Variants in TECPR2 observed in about 807,000 individuals in gnomAD.
The protein encoded by TECPR2 is tectonin beta-propeller repeat containing 2.
In TECPR2, 65 loss-of-function variants were observed where a neutral mutation model predicts 138.1. The ratio of observed to expected loss-of-function variants is 0.47; its 90% confidence interval spans 0.39 to 0.58. The LOEUF is 0.58. TECPR2 is among the 20% of genes least tolerant of loss of function. The pLI is 0.00. For synonymous variants in TECPR2, 746 were observed against 749.8 expected (o/e 0.99, Z 0.08); for missense variants, 1,553 against 1,824.5 (o/e 0.85, Z 2.71).
At chr14:102,386,235 G>A (rs891990640) in intron 2 of TECPR2, among the ~76,000 whole-genome samples, 2 of 152,010 alleles carry the variant, frequency 1.3e-5, no homozygotes, top group Admixed American at 6.6e-5. Context: ...TTGGTAGGCC[G>A]AGGCAGGCAG....
In TECPR2 at chr14:102,489,026, G is replaced by A. The variant is rs138612110; in HGVS notation, c.3790-7953G>A. Among the ~76,000 whole-genome samples, 752 of 151,938 alleles carry A rather than the reference G, an allele frequency of 4.9e-3. 4 individuals are homozygous for A. Among genetic ancestry groups the A allele is most frequent in the African/African-American group, 0.017 (691 of 41,462 alleles). On this transcript the variant is annotated intron_variant, in intron 17 of 19. Transcript: ENST00000359520. ...GCCTCCCGAGACACTAGGACTACAG[G>A]CATGCGCCACCATGCCTGGCTAATT...
chr14:102,453,084 TC>T (rs1387741362), intron 16 of TECPR2, among the ~76,000 whole-genome samples: 2 of 152,236 alleles, frequency 1.3e-5, no homozygotes, highest in Non-Finnish European at 2.9e-5. Context: ...GTGCTAGCTC[TC>T]CTTCAGCTCA....
At chr14:102,395,754 C>T (rs1888298517) in intron 2 of TECPR2, among the ~76,000 whole-genome samples, 1 of 152,316 alleles carries the variant, frequency 6.6e-6, no homozygotes, top group African/African-American at 2.4e-5. Flanking sequence ...GCCGAGATCA[C>T]ACCGTGGCAC....
At chr14:102,452,679 G>T in intron 16 of TECPR2, 52 bp downstream of exon 16, 1 of 1,425,902 alleles carries the variant, frequency 7.0e-7, no homozygotes, top group Non-Finnish European at 9.6e-7. Context: ...CCCTAAACCG[G>T]CATCACAACG....
Position 102,435,077 on chromosome 14 carries a change from G to A in TECPR2, c.2260G>A (p.Glu754Lys), listed in dbSNP as rs1230843715. Reference protein sequence around the residue: ...PRDQTLTSSDEEDIYAHGLPS... With the variant: ...PRDQTLTSSDKEDIYAHGLPS... ...GGATCAGACATTGACGTCCAGCGAT[G>A]AGGAGGACATCTATGCCCACGGGCT... Residue 754 changes from glutamate (E) to lysine (K), a missense_variant, in exon 9 of 20, where the codon GAG becomes AAG. By Grantham distance (56) the Glu-to-Lys change is moderately conservative. Transcript: ENST00000359520. 5.6e-6 allele frequency: 9 copies of A among 1,613,994 alleles called. No homozygotes were observed. Among genetic ancestry groups the A allele is most frequent in the Non-Finnish European group, 7.6e-6 (9 of 1,180,038 alleles).
chr14:102,426,203 T>C (rs1400095859), intron 6 of TECPR2, among the ~76,000 whole-genome samples: 3 of 152,082 alleles, frequency 2.0e-5, no homozygotes, highest in African/African-American at 7.2e-5. Context: ...GGTTTTTTTT[T>C]TGTTTTTTGT....
Position 102,419,921 on chromosome 14 carries a change from G to T in TECPR2, c.639-5058G>T, listed in dbSNP as rs534336438. ...ATCTGTAGGTGTGGCGCCCGCATGT[G>T]GGTAAGAGCCAGCAGCCGGTTCTGG... is the stretch of plus-strand genomic sequence containing the variant. On this transcript the variant is annotated intron_variant, in intron 5 of 19. Coordinates refer to ENST00000359520, the MANE Select transcript of TECPR2 (RefSeq NM_014844.5). The surrounding 1 kb of genome is among the most constrained non-coding windows in gnomAD (Gnocchi z 4.8). 1.3e-5 allele frequency among the ~76,000 whole-genome samples: 2 copies of T among 152,298 alleles called. No individual in the cohort carries two copies. Among genetic ancestry groups the T allele is most frequent in the East Asian group, 3.9e-4 (2 of 5,176 alleles).
At chr14:102,474,840 C>G (rs954562797) in intron 17 of TECPR2, among the ~76,000 whole-genome samples, 3 of 152,092 alleles carry the variant, frequency 2.0e-5, no homozygotes, top group Non-Finnish European at 4.4e-5. Context: ...GGTTGTCCCC[C>G]CTTCCCCCTG....
chr14:102,451,570 G>A (rs1890140751), intron 15 of TECPR2, among the ~76,000 whole-genome samples: 2 of 152,068 alleles, frequency 1.3e-5, no homozygotes, highest in South Asian at 2.1e-4. Flanking sequence ...GGCTGTGACC[G>A]CATCCATGTT....
chr14:102,481,770 G>A (rs1190257678), intron 17 of TECPR2, among the ~76,000 whole-genome samples: 1 of 152,186 alleles, frequency 6.6e-6, no homozygotes, highest in African/African-American at 2.4e-5. Flanking sequence ...TTCGGGAGCT[G>A]TGTTTGGTCC....
intron 6 of TECPR2, among the ~76,000 whole-genome samples, chr14:102,428,014 G>A (rs1567336257): frequency 6.6e-6 from 1 of 152,192 alleles, no homozygotes; most frequent in East Asian, 1.9e-4. Flanking sequence ...AGGGTGGTAC[G>A]TGGGTCGGAG....
intron 2 of TECPR2, among the ~76,000 whole-genome samples, chr14:102,387,074 G>GA (rs1888028125): frequency 6.6e-6 from 1 of 152,160 alleles, no homozygotes. Flanking sequence ...CTAGTTTAGG[G>GA]AAAATCTAAG....
At chr14:102,408,706 G>A (rs1888732479) in intron 4 of TECPR2, 87 bp downstream of exon 4, 1 of 1,353,358 alleles carries the variant, frequency 7.4e-7, no homozygotes, top group Non-Finnish European at 1.0e-6. Context: ...TAGTCAACTT[G>A]TATTCTTGAT....
chr14:102,465,845 G>C (rs117538172), intron 17 of TECPR2, among the ~76,000 whole-genome samples: 4,151 of 152,240 alleles, frequency 0.027, 77 homozygotes, highest in Middle Eastern at 0.088. Flanking sequence ...AGTCTGATTT[G>C]AATGTACTAT....
At chr14:102,461,960 C>T (rs998119486) in intron 16 of TECPR2, among the ~76,000 whole-genome samples, 11 of 152,216 alleles carry the variant, frequency 7.2e-5, no homozygotes, top group Non-Finnish European at 1.2e-4. Flanking sequence ...TAAAAGTCTG[C>T]AGGAAAGCCC....
intron 2 of TECPR2, among the ~76,000 whole-genome samples, chr14:102,388,135 C>A (rs916997178): frequency 2.4e-4 from 36 of 152,278 alleles, no homozygotes; most frequent in Admixed American, 2.3e-3. Flanking sequence ...CATTGTCTTT[C>A]CCTGTGGGAG....
At chr14:102,485,158 G>A (rs1429448211) in intron 17 of TECPR2, among the ~76,000 whole-genome samples, 1 of 152,244 alleles carries the variant, frequency 6.6e-6, no homozygotes, top group Non-Finnish European at 1.5e-5. Context: ...TGGTATCACA[G>A]TCTTCAGAGT....
At chr14:102,452,266 GGTGA>G in intron 15 of TECPR2, 124 bp from the exon 16 acceptor site, 2 of 847,024 alleles carry the variant, frequency 2.4e-6, no homozygotes, top group Non-Finnish European at 3.7e-6. Flanking sequence ...GGAATGGGCA[GGTGA>G]GTGAGCTGGC....
At chr14:102,428,919 C>T (rs1889397512) in intron 7 of TECPR2, among the ~76,000 whole-genome samples, 1 of 151,090 alleles carries the variant, frequency 6.6e-6, no homozygotes, top group East Asian at 1.9e-4. Flanking sequence ...GCGATCTCAG[C>T]TCACCGCAAC....
Sources: gnomAD v4.1 joint callset for allele counts (sites outside exome capture counted in the v4.1 genomes callset) on GRCh38, gnomAD v4.1.1 for gene constraint, Gnocchi (gnomAD v3.1) non-coding constraint, MANE v1.5 for transcripts, NCBI Gene and HGNC (gene_info 2026-07-23, HGNC 2026-07-21) for gene names.